Variants in KIF2C observed in about 807,000 individuals in gnomAD.
KIF2C encodes kinesin family member 2C.
Under a neutral mutation model 97.4 loss-of-function variants are expected in KIF2C, and 34 were observed. That is an observed-to-expected ratio of 0.35 (90% CI 0.27 to 0.46). The LOEUF (loss-of-function observed/expected upper bound fraction) is 0.46. Among genes scored for constraint, KIF2C ranks in the 20% least tolerant of loss-of-function variants. The pLI is 1.00. For synonymous variants in KIF2C, 313 were observed against 318.2 expected (o/e 0.98, Z 0.17); for missense variants, 750 against 907.6 (o/e 0.83, Z 2.23).
At chr1:44,765,123 TA>T (rs1650384242) in intron 19 of KIF2C, among the ~76,000 whole-genome samples, 2 of 151,810 alleles carry the variant, frequency 1.3e-5, no homozygotes, top group Admixed American at 1.3e-4. Context: ...GTCTCAAAAA[TA>T]AAATAAAATA....
chr1:44,740,093 A>C, intron 1 of KIF2C, 91 bp downstream of exon 1: 1 of 1,436,248 alleles, frequency 7.0e-7, no homozygotes, highest in Non-Finnish European at 9.8e-7. Context: ...ATGGGCTTTC[A>C]CTCTCTTTCT....
chr1:44,744,677 G>C (rs1649095170), intron 2 of KIF2C, among the ~76,000 whole-genome samples: 1 of 152,094 alleles, frequency 6.6e-6, no homozygotes, highest in Non-Finnish European at 1.5e-5. Flanking sequence ...GAAGCGGGCG[G>C]ATCATGAGGT....
chr1:44,758,479 T>C (rs942145806), intron 13 of KIF2C, among the ~76,000 whole-genome samples: 18 of 152,162 alleles, frequency 1.2e-4, no homozygotes, highest in Non-Finnish European at 2.6e-4. Flanking sequence ...CGCACCACCA[T>C]ATATCTCTTC....
In KIF2C at chr1:44,760,489, T is replaced by A; in HGVS notation, c.1572+5T>A. 6.2e-7 allele frequency: 1 copy of A among 1,613,574 alleles called. No homozygotes were observed. The highest frequency in any genetic ancestry group is 8.5e-7 in the Non-Finnish European group (1 of 1,179,824). On this transcript the variant is annotated splice_donor_5th_base_variant and intron_variant, in intron 15 of 20. Coordinates refer to ENST00000372224, the MANE Select transcript of KIF2C (RefSeq NM_006845.4). This position sits in a 1 kb window ranked among gnomAD's most constrained non-coding sequence, Gnocchi z 4.2. ...AAGAGTCTCTTAGCCCTGAAGGTAG[T>A]GGGGCAGCTAGAGCTGGTTGGCCGG...
chr1:44,761,861 A>C, intron 16 of KIF2C, 55 bp from the exon 17 acceptor site: 1 of 1,533,886 alleles, frequency 6.5e-7, no homozygotes, highest in Non-Finnish European at 9.0e-7. Context: ...GGGACAGGCT[A>C]TATAGCATCC....
At chr1:44,764,789 G>T (rs112098215) in intron 19 of KIF2C, among the ~76,000 whole-genome samples, 17 of 151,874 alleles carry the variant, frequency 1.1e-4, no homozygotes, top group Non-Finnish European at 1.9e-4. Flanking sequence ...GATTACAGGC[G>T]TGAGCCACCA....
intron 13 of KIF2C, 55 bp from the exon 14 acceptor site, chr1:44,759,151 G>T: frequency 1.9e-6 from 3 of 1,608,712 alleles, no homozygotes; most frequent in Non-Finnish European, 2.5e-6. Context: ...GGAAGCAGTC[G>T]GGTGGGGTGC....
In KIF2C at chr1:44,767,558, G is replaced by A. The variant is rs1038336468; in HGVS notation, c.*379G>A. 4.3e-5 allele frequency: 9 copies of A among 209,852 alleles called. No homozygotes were observed. The highest frequency in any genetic ancestry group is 3.2e-4 in the Admixed American group (6 of 19,022). The allele number at this position is 209,852 out of a possible 1,614,324, so 13.0% of individuals were successfully genotyped here. ...TCTGGGGAGAGAGACGGAGCCTTTA[G>A]TACAGCTATCTGCTGGCTCTAAACC... On this transcript the variant is annotated 3_prime_UTR_variant, in exon 21 of 21. Transcript: ENST00000372224.
At chr1:44,762,746 T>C (rs1650234752) in intron 19 of KIF2C, 88 bp downstream of exon 19, 1 of 828,282 alleles carries the variant, frequency 1.2e-6, no homozygotes, top group Non-Finnish European at 2.0e-6. Context: ...CTGGGCCTTG[T>C]TCCCACAGGT....
intron 5 of KIF2C, 22 bp from the exon 6 acceptor site, chr1:44,753,110 A>G: frequency 6.3e-7 from 1 of 1,599,078 alleles, no homozygotes; most frequent in South Asian, 1.1e-5. Flanking sequence ...CTGCTTCTCC[A>G]GTGACTCTTG....
intron 7 of KIF2C, 62 bp downstream of exon 7, chr1:44,753,895 CG>C (rs1265017171): frequency 2.3e-6 from 2 of 865,192 alleles, no homozygotes; most frequent in Non-Finnish European, 3.5e-6. Context: ...CGAAACTCTA[CG>C]GGCAACAGAG....
intron 7 of KIF2C, 126 bp downstream of exon 7, chr1:44,753,959 T>A: frequency 1.6e-4 from 18 of 109,556 alleles, no homozygotes; most frequent in Non-Finnish European, 2.6e-4. Context: ...GCCCCAATTC[T>A]TTTTTTTTTT....
intron 7 of KIF2C, 26 bp from the exon 8 acceptor site, chr1:44,754,724 C>T (rs1392833943): frequency 1.5e-6 from 2 of 1,378,564 alleles, no homozygotes; most frequent in Non-Finnish European, 2.1e-6. Flanking sequence ...AACAGTCTGC[C>T]CTTTTTCACT....
intron 16 of KIF2C, 55 bp from the exon 17 acceptor site, chr1:44,761,861 A>G: frequency 6.5e-7 from 1 of 1,533,886 alleles, no homozygotes; most frequent in Non-Finnish European, 9.0e-7. Flanking sequence ...GGGACAGGCT[A>G]TATAGCATCC....
intron 6 of KIF2C, 33 bp downstream of exon 6, chr1:44,753,287 C>T (rs1201641750): frequency 6.3e-7 from 1 of 1,593,322 alleles, no homozygotes; most frequent in Non-Finnish European, 8.6e-7. Flanking sequence ...TGTTCTGCTT[C>T]TAGTGAGGCA....
rs547280026 is a variant in KIF2C, at chr1:44,745,087, G to A, written c.166-2297G>A. On this transcript the variant is annotated intron_variant, in intron 2 of 20. Transcript: ENST00000372224. Reference sequence around the variant, plus strand: ...GCCTGTAATCTCAGCTACTCAGGAGGCTGAGGCAGGAGAATCACTTGAACC... The same window carrying A: ...GCCTGTAATCTCAGCTACTCAGGAGACTGAGGCAGGAGAATCACTTGAACC... Among the ~76,000 whole-genome samples the A allele has an allele frequency of 3.9e-5, 6 of 152,058 alleles. No individual in the cohort carries two copies. In the South Asian group the frequency reaches 1.2e-3, roughly 32 times the overall value.
intron 20 of KIF2C, 39 bp from the exon 21 acceptor site, chr1:44,767,056 ACT>A (rs760645908): frequency 1.1e-5 from 17 of 1,608,268 alleles, no homozygotes; most frequent in Admixed American, 5.0e-5. Flanking sequence ...GGCTCCTCAG[ACT>A]CTCACTAACC....
Position 44,756,206 on chromosome 1 carries a change from G to A in KIF2C, c.946G>A (p.Asp316Asn). The A allele has an allele frequency of 6.2e-7, 1 of 1,614,200 alleles. No individual in the cohort carries two copies. The highest frequency in any genetic ancestry group is 8.5e-7 in the Non-Finnish European group (1 of 1,180,032). Residue 316 changes from aspartate to asparagine, a missense_variant, in exon 10 of 21, where the codon GAT (aspartate) becomes AAT (asparagine). Asp to Asn is a conservative substitution (Grantham distance 23). Coordinates refer to ENST00000372224, the MANE Select transcript of KIF2C (RefSeq NM_006845.4). ...NQAFCFDFAFDETASNEVVYR... is the reference protein window; with the variant it reads ...NQAFCFDFAFNETASNEVVYR... ...AGCATTCTGCTTTGACTTTGCATTT[G>A]ATGAAACAGCTTCGAATGAAGTTGT...
chr1:44,755,897 G>A (rs1290436570), intron 8 of KIF2C, 32 bp from the exon 9 acceptor site: 1 of 1,610,440 alleles, frequency 6.2e-7, no homozygotes, highest in Non-Finnish European at 8.5e-7. Context: ...CTGACCCTTT[G>A]CTGTTGGTTG....
Sources: allele counts gnomAD v4.1 joint callset (sites outside exome capture counted in the v4.1 genomes callset), GRCh38; gene constraint gnomAD v4.1.1; non-coding constraint Gnocchi (gnomAD v3.1); transcripts MANE v1.5; gene names NCBI Gene and HGNC (gene_info 2026-07-23, HGNC 2026-07-21).